METTL25: variants seen among roughly 807,000 people sequenced by gnomAD.
The protein encoded by METTL25 is methyltransferase like 25, also known as probable methyltransferase-like protein 25.
A neutral mutation model predicts 71.6 loss-of-function variants in METTL25; 64 were observed. The ratio of observed to expected loss-of-function variants is 0.89; its 90% CI spans 0.73 to 1.10. The LOEUF (loss-of-function observed/expected upper bound fraction) is 1.10. METTL25 is among the 50% of genes least tolerant of loss of function. The pLI is 0.00. For missense variants in METTL25, 807 were observed against 707.0 expected (o/e 1.14, Z -1.60); for synonymous variants, 287 against 250.3 (o/e 1.15, Z -1.38).
chr12:82,361,741 C>T (rs182970994), intron 1 of METTL25, among the ~76,000 whole-genome samples: 35 of 152,172 alleles, frequency 2.3e-4, no homozygotes, highest in Admixed American at 1.2e-3. Context: ...CACAACCACC[C>T]GGAACTCGCG....
intron 5 of METTL25, among the ~76,000 whole-genome samples, chr12:82,418,642 G>A (rs1888193599): frequency 2.0e-5 from 3 of 152,088 alleles, no homozygotes; most frequent in Admixed American, 1.3e-4. Context: ...TCTATACTAA[G>A]TGCCACTCGT....
At chr12:82,463,754 T>G (rs371955588) in intron 9 of METTL25, among the ~76,000 whole-genome samples, 1 of 152,104 alleles carries the variant, frequency 6.6e-6, no homozygotes, top group African/African-American at 2.4e-5. Context: ...TTGTTATTTT[T>G]TATCTTTTTT....
At chr12:82,426,281 C>T (rs1889002582) in intron 5 of METTL25, among the ~76,000 whole-genome samples, 1 of 152,024 alleles carries the variant, frequency 6.6e-6, no homozygotes, top group Admixed American at 6.6e-5. Flanking sequence ...GGTGTGAGGC[C>T]ACTGTGATCT....
intron 9 of METTL25, among the ~76,000 whole-genome samples, chr12:82,464,048 AGTCT>A (rs1409938322): frequency 4.6e-5 from 7 of 152,054 alleles, no homozygotes; most frequent in African/African-American, 1.7e-4. Flanking sequence ...ATTTTCTTCT[AGTCT>A]GTAGATTGTC....
chr12:82,445,805 AAG>A (rs1890693849), intron 8 of METTL25, among the ~76,000 whole-genome samples: 1 of 152,210 alleles, frequency 6.6e-6, no homozygotes, highest in South Asian at 2.1e-4. Context: ...CTACTGTAAA[AAG>A]AGAAAAAGAA....
At chr12:82,413,427 C>T (rs924725209) in intron 5 of METTL25, among the ~76,000 whole-genome samples, 9 of 152,124 alleles carry the variant, frequency 5.9e-5, no homozygotes, top group South Asian at 4.1e-4. Flanking sequence ...AACTGTAATA[C>T]AGTTTGATAG....
chr12:82,380,421 A>G (rs1165271301), intron 1 of METTL25, among the ~76,000 whole-genome samples: 1 of 48,580 alleles, frequency 2.1e-5, no homozygotes, highest in African/African-American at 5.6e-5. Context: ...AAAAGTTTAT[A>G]TATGTATGTG....
chr12:82,412,311 A>C (rs551192156), intron 5 of METTL25, among the ~76,000 whole-genome samples: 2 of 152,224 alleles, frequency 1.3e-5, no homozygotes, highest in Non-Finnish European at 2.9e-5. Flanking sequence ...TATTCATCAC[A>C]ATCTATTCAA....
chr12:82,387,919 CT>C (rs1193578552), intron 2 of METTL25, among the ~76,000 whole-genome samples: 2 of 151,950 alleles, frequency 1.3e-5, no homozygotes, highest in Non-Finnish European at 2.9e-5. Flanking sequence ...AGTTTCTTTA[CT>C]TTTTCCAAGA....
chr12:82,358,543 T>A lies in METTL25; in HGVS notation c.-23T>A. On this transcript the variant is annotated 5_prime_UTR_variant, in exon 1 of 12. Coordinates refer to ENST00000248306, the MANE Select transcript of METTL25 (RefSeq NM_032230.3). ...GCCTCACGGCCATGTTTGCGCCACC[T>A]ACAGCCTCGGAGGGTGAGCGTCATG... 4 of 1,605,284 alleles carry A rather than the reference T, an allele frequency of 2.5e-6. No homozygotes were observed. The highest frequency in any genetic ancestry group is 3.4e-6 in the Non-Finnish European group (4 of 1,177,474).
chr12:82,474,775 G>T (rs1237070847), intron 9 of METTL25, among the ~76,000 whole-genome samples: 1 of 152,006 alleles, frequency 6.6e-6, no homozygotes, highest in African/African-American at 2.4e-5. Context: ...GTAAAAAGGT[G>T]TTCTCACCTT....
intron 3 of METTL25, among the ~76,000 whole-genome samples, chr12:82,390,815 A>G (rs953213535): frequency 2.0e-5 from 3 of 152,088 alleles, no homozygotes; most frequent in African/African-American, 4.8e-5. Flanking sequence ...CCTTATGGCA[A>G]TGATACTTAG....
intron 9 of METTL25, among the ~76,000 whole-genome samples, chr12:82,464,240 T>G (rs955519338): frequency 6.6e-6 from 1 of 151,960 alleles, no homozygotes; most frequent in Non-Finnish European, 1.5e-5. Flanking sequence ...TTTTGTTGTT[T>G]TGAGTTTTAT....
At position 82,438,745 on chromosome 12, in the gene METTL25, G is replaced by A; in HGVS notation, c.1432G>A (p.Ala478Thr). 1.3e-6 allele frequency: 2 copies of A among 1,539,226 alleles called. No individual in the cohort carries two copies. Among genetic ancestry groups the A allele is most frequent in the South Asian group, 1.2e-5 (1 of 80,184 alleles). ...GLPTESLFYR[A>T]VLQDIIKDCY... ...GCCTACTGAATCACTCTTCTATCGT[G>A]CTGTTCTTCAGGATATTATTAAAGA... Residue 478 changes from alanine (A) to threonine (T), a missense_variant, in exon 8 of 12, where the codon GCT becomes ACT. By Grantham distance (58) the Ala-to-Thr change is moderately conservative. Coordinates refer to ENST00000248306, the MANE Select transcript of METTL25 (RefSeq NM_032230.3).
intron 5 of METTL25, among the ~76,000 whole-genome samples, chr12:82,405,162 G>A (rs1159827592): frequency 6.6e-6 from 1 of 152,110 alleles, no homozygotes; most frequent in East Asian, 1.9e-4. Context: ...TGAAGTCTCA[G>A]AGGTAGTCTC....
Position 82,386,850 on chromosome 12 carries a change from G to T in METTL25, c.307G>T (p.Val103Leu). Residue 103 changes from valine (V) to leucine (L), a missense_variant, in exon 2 of 12, where the codon GTG becomes TTG. By Grantham distance (32) the Val-to-Leu change is conservative. Transcript: ENST00000248306. ...ATTTTGTGAAACTTCTCAGAAGTTGGTGAGTGTGGAAGCCTTTGCTCTGGC... is the reference window on the plus strand; with the variant it reads ...ATTTTGTGAAACTTCTCAGAAGTTGTTGAGTGTGGAAGCCTTTGCTCTGGC... Reference protein sequence around the residue: ...KIFCETSQKLVSVEAFALAAK... With the variant: ...KIFCETSQKLLSVEAFALAAK... 6.2e-7 allele frequency: 1 copy of T among 1,613,402 alleles called. No individual in the cohort carries two copies. The highest frequency in any genetic ancestry group is 8.5e-7 in the Non-Finnish European group (1 of 1,179,594).
intron 1 of METTL25, among the ~76,000 whole-genome samples, chr12:82,370,742 TTCTC>T (rs1883139880): frequency 1.3e-5 from 2 of 151,974 alleles, no homozygotes; most frequent in Admixed American, 1.3e-4. Flanking sequence ...GTCTCTCTCT[TTCTC>T]TCTCTGTCTC....
At chr12:82,431,083 C>A in intron 6 of METTL25, 96 bp downstream of exon 6, 2 of 640,868 alleles carry the variant, frequency 3.1e-6, no homozygotes, top group Non-Finnish European at 5.4e-6. Context: ...CCAAATTTTG[C>A]AGAACATCCC....
intron 7 of METTL25, among the ~76,000 whole-genome samples, chr12:82,436,240 A>T (rs1276454367): frequency 6.6e-6 from 1 of 151,464 alleles, no homozygotes; most frequent in Non-Finnish European, 1.5e-5. Context: ...TCCCTTAATT[A>T]ATTGCAGAGC....
Sources: allele counts gnomAD v4.1 joint callset (sites outside exome capture counted in the v4.1 genomes callset), GRCh38; gene constraint gnomAD v4.1.1; transcripts MANE v1.5; gene names NCBI Gene and HGNC (gene_info 2026-07-23, HGNC 2026-07-21).